RAPGEF1: variants seen among roughly 807,000 people sequenced by gnomAD.
The protein encoded by RAPGEF1 is Rap guanine nucleotide exchange factor 1, also known as CRK SH3-binding GNRP.
RAPGEF1 carries 33 observed loss-of-function variants against 143.3 expected under a neutral mutation model. The observed-to-expected ratio is 0.23, with a 90% CI of 0.17 to 0.31. The LOEUF is 0.31. RAPGEF1 is among the 10% of genes least tolerant of loss of function. RAPGEF1 has a pLI of 1.00. For synonymous variants in RAPGEF1, 629 were observed against 676.5 expected (o/e 0.93, Z 1.09); for missense variants, 1,199 against 1,645.4 (o/e 0.73, Z 4.69).
intron 19 of RAPGEF1, 136 bp from the exon 20 acceptor site, chr9:131,589,122 A>G: frequency 3.6e-6 from 3 of 828,874 alleles, no homozygotes; most frequent in Non-Finnish European, 3.7e-6. Context: ...ATGGGAAGAG[A>G]GCAGGAGACG....
rs1959937180 is a variant in RAPGEF1 at position 131,619,176 on chromosome 9, CAG to C, written c.1934_1935del (p.Ser645CysfsTer9). The C allele has an allele frequency of 7.6e-7, 1 of 1,307,442 alleles. No individual in the cohort carries two copies. Among genetic ancestry groups the C allele is most frequent in the Non-Finnish European group, 1.0e-6 (1 of 991,120 alleles). The allele number at this position is 1,307,442 out of a possible 1,614,324, so 81.0% of individuals were successfully genotyped here. A position where few individuals can be genotyped will look rare whatever the true frequency, so the allele number is the denominator to read the frequency against. ...LASCAASSFSSVSHCVQQTKV... is the reference protein window; with the variant it reads ...LASCAASSFSXVSHCVQQTKV... ...TTAGTTTGCTGGACACAGTGGGAGA[CAG>C]AGGAGAAGGAAGAAGCAGCACAGGA... On this transcript the variant is annotated frameshift_variant, in exon 12 of 27. Coordinates refer to ENST00000683357, the MANE Select transcript of RAPGEF1 (RefSeq NM_001377935.1). LOFTEE classifies it high-confidence loss of function.
intron 25 of RAPGEF1, among the ~76,000 whole-genome samples, chr9:131,581,058 C>A (rs1951789190): frequency 6.6e-6 from 1 of 152,058 alleles, no homozygotes; most frequent in Non-Finnish European, 1.5e-5. Flanking sequence ...AGGAGAATCA[C>A]TTGAACCTGG....
intron 1 of RAPGEF1, among the ~76,000 whole-genome samples, chr9:131,730,795 C>A (rs888795211): frequency 6.6e-6 from 1 of 151,684 alleles, no homozygotes; most frequent in Non-Finnish European, 1.5e-5. Context: ...GCACCTGAGG[C>A]TCAGGAGATT....
intron 14 of RAPGEF1, 74 bp from the exon 15 acceptor site, chr9:131,602,223 G>T: frequency 8.9e-7 from 1 of 1,124,164 alleles, no homozygotes; most frequent in Non-Finnish European, 1.3e-6. Context: ...CAGCATTCCT[G>T]CCTGCAAGTG....
At chr9:131,694,656 C>T (rs899076168) in intron 1 of RAPGEF1, among the ~76,000 whole-genome samples, 1 of 152,006 alleles carries the variant, frequency 6.6e-6, no homozygotes, top group African/African-American at 2.4e-5. Flanking sequence ...GCTTCACCTT[C>T]TCAAGACTGG....
At chr9:131,717,200 G>A (rs902496886) in intron 1 of RAPGEF1, among the ~76,000 whole-genome samples, 4 of 152,094 alleles carry the variant, frequency 2.6e-5, no homozygotes, top group Non-Finnish European at 4.4e-5. Flanking sequence ...ACAACTCCCC[G>A]CCTCCAGATA....
At chr9:131,617,092 C>T (rs2282008) in intron 12 of RAPGEF1, among the ~76,000 whole-genome samples, 131,697 of 152,306 alleles carry the variant, frequency 0.86, 57,140 homozygotes, top group African/African-American at 0.93. Context: ...TTAATTAAAA[C>T]GTCCTCGAAT....
rs770513762 is a variant in RAPGEF1 at position 131,629,260 on chromosome 9, G to A, written c.741-6C>T. The stretch of plus-strand genomic sequence containing the variant: ...TCAGGGGGAGCTCTGCTGGGCTGGA[G>A]AATTGGGAAGAACTTGGGGTTACAG... On this transcript the variant is annotated splice_polypyrimidine_tract_variant and splice_region_variant and intron_variant, in intron 6 of 26. Coordinates refer to ENST00000683357, the MANE Select transcript of RAPGEF1 (RefSeq NM_001377935.1). The A allele has an allele frequency of 6.8e-6, 11 of 1,612,220 alleles. No individual in the cohort carries two copies. The Middle Eastern group carries it at 1.3e-3, about 193-fold the overall frequency.
At chr9:131,639,435 TGA>T (rs1564597819) in intron 4 of RAPGEF1, among the ~76,000 whole-genome samples, 1 of 61,414 alleles carries the variant, frequency 1.6e-5, no homozygotes, top group Non-Finnish European at 3.8e-5. Context: ...GGAACGCAGG[TGA>T]GTGTGTGTGT....
At chr9:131,590,227 G>A (rs1228992902) in intron 18 of RAPGEF1, among the ~76,000 whole-genome samples, 4 of 152,086 alleles carry the variant, frequency 2.6e-5, no homozygotes, top group Non-Finnish European at 5.9e-5. Context: ...CGCCATCTCC[G>A]CTGCACTGTC....
intron 17 of RAPGEF1, among the ~76,000 whole-genome samples, chr9:131,595,766 C>T (rs3808803): frequency 0.52 from 79,281 of 151,880 alleles, 21,224 homozygotes; most frequent in African/African-American, 0.64. Context: ...CCAGCCCTCT[C>T]AATCAGCACA....
Position 131,579,524 on chromosome 9 carries a change from T to C in RAPGEF1, c.3765A>G (p.Arg1255=), listed in dbSNP as rs746054418. The part of the protein sequence containing the change: ...LKIKPRNITR[R]KTDREEKT Reference sequence around the variant, plus strand: ...AGGTCTTCTCTTCCCGGTCTGTTTTTCTCCTTGTTATGTTCCTGGGTTTAA... The same window carrying C: ...AGGTCTTCTCTTCCCGGTCTGTTTTCCTCCTTGTTATGTTCCTGGGTTTAA... Residue 1255 remains arginine, a synonymous_variant, in exon 27 of 27, where the codon AGA becomes AGG. Coordinates refer to ENST00000683357, the MANE Select transcript of RAPGEF1 (RefSeq NM_001377935.1). 16 of 1,613,904 alleles carry C rather than the reference T, an allele frequency of 9.9e-6. No homozygotes were observed. Among genetic ancestry groups the C allele is most frequent in the Non-Finnish European group, 1.3e-5 (15 of 1,179,890 alleles).
intron 6 of RAPGEF1, 25 bp downstream of exon 6, chr9:131,630,211 G>A (rs1469496738): frequency 5.6e-6 from 9 of 1,606,290 alleles, no homozygotes; most frequent in Non-Finnish European, 4.3e-6. Context: ...TGACACCCGC[G>A]ACACGAGGGT....
At chr9:131,605,383 G>A (rs867802187) in intron 12 of RAPGEF1, among the ~76,000 whole-genome samples, 195 bp from the exon 13 acceptor site, 1 of 152,188 alleles carries the variant, frequency 6.6e-6, no homozygotes, top group African/African-American at 2.4e-5. Flanking sequence ...CCCTTGAGAA[G>A]GGCCCTGAGA....
intron 1 of RAPGEF1, among the ~76,000 whole-genome samples, chr9:131,685,128 A>G (rs34168569): frequency 0.23 from 34,954 of 152,216 alleles, 4,608 homozygotes; most frequent in Non-Finnish European, 0.3. Context: ...CTAGTAACCC[A>G]TTAAAATGGA....
chr9:131,580,095 G>A (rs1951638084), intron 26 of RAPGEF1, among the ~76,000 whole-genome samples, 168 bp downstream of exon 26: 1 of 152,238 alleles, frequency 6.6e-6, no homozygotes, highest in South Asian at 2.1e-4. Flanking sequence ...TGGTGGGCAT[G>A]CTCTCAAGTC....
At chr9:131,637,674 A>T (rs568142658) in intron 5 of RAPGEF1, among the ~76,000 whole-genome samples, 1 of 152,328 alleles carries the variant, frequency 6.6e-6, no homozygotes, top group South Asian at 2.1e-4. Flanking sequence ...CTAGCACCAC[A>T]TAATTAATAA....
chr9:131,585,305 C>T (rs905880722), intron 22 of RAPGEF1, among the ~76,000 whole-genome samples: 1 of 151,888 alleles, frequency 6.6e-6, no homozygotes, highest in African/African-American at 2.4e-5. Flanking sequence ...CCCAGCTTCC[C>T]GAGTAGCTGG....
chr9:131,589,217 G>A (rs1007317439), intron 19 of RAPGEF1, among the ~76,000 whole-genome samples: 6 of 152,218 alleles, frequency 3.9e-5, no homozygotes, highest in Non-Finnish European at 5.9e-5. Context: ...ATCTGTTGGC[G>A]CTGGACAAGC....
Sources: allele counts gnomAD v4.1 joint callset (sites outside exome capture counted in the v4.1 genomes callset), GRCh38; gene constraint gnomAD v4.1.1; transcripts MANE v1.5; gene names NCBI Gene and HGNC (gene_info 2026-07-23, HGNC 2026-07-21).